SH2D7: variants seen among roughly 807,000 people sequenced by gnomAD.
SH2D7 encodes the protein SH2 domain-containing protein 7.
In SH2D7, 32 loss-of-function variants were observed where a neutral mutation model predicts 40.8. The ratio of observed to expected loss-of-function variants is 0.78; its 90% confidence interval spans 0.59 to 1.05. The LOEUF is 1.05. SH2D7 is among the 50% of genes least tolerant of loss of function. SH2D7 has a pLI of 0.00. For missense variants in SH2D7, 559 were observed against 566.6 expected (o/e 0.99, Z 0.14); for synonymous variants, 195 against 221.5 (o/e 0.88, Z 1.06).
chr15:78,099,382 G>A (rs980488891), intron 4 of SH2D7, among the ~76,000 whole-genome samples: 4 of 151,670 alleles, frequency 2.6e-5, no homozygotes, highest in East Asian at 3.9e-4. Context: ...GCACCATCTC[G>A]GCTCACTGCA....
intron 4 of SH2D7, among the ~76,000 whole-genome samples, chr15:78,100,079 C>T (rs551479179): frequency 2.6e-5 from 4 of 152,326 alleles, no homozygotes; most frequent in African/African-American, 9.6e-5. Flanking sequence ...ATTCACCCAT[C>T]ATATAGCACA....
At chr15:78,094,269 G>A (rs182472534) in intron 2 of SH2D7, 68 bp downstream of exon 2, 1 of 1,498,480 alleles carries the variant, frequency 6.7e-7, no homozygotes, top group Non-Finnish European at 9.1e-7. Flanking sequence ...GATTAGTGCA[G>A]AGGCCCCACT....
rs781560546 is a variant in SH2D7, at chr15:78,094,199, C to G, written c.264C>G (p.Tyr88Ter). ...SDRATGYILS[Y>*]RGSDRCRHFV... is the part of the protein sequence containing the mutation. ...GAGCCACTGGCTACATCTTGTCCTA[C>G]AGGTAAGAGGGGAAGCCCTCTGGGC... Residue 88 changes from tyrosine to a stop codon, truncating the protein, a stop_gained and splice_region_variant, in exon 2 of 6, where the codon TAC becomes TAG. Transcript: ENST00000328828. LOFTEE classifies it high-confidence loss of function. The G allele has an allele frequency of 1.9e-6, 3 of 1,607,128 alleles. No homozygotes were observed. The South Asian group carries it at 3.4e-5, about 18-fold the overall frequency.
rs549102760 is a variant in SH2D7, at chr15:78,100,755, G to A, written c.646-144G>A. The A allele has an allele frequency of 1.3e-5, 11 of 829,268 alleles. 1 individual carries two copies. In the South Asian group the frequency reaches 1.6e-4, roughly 12 times the overall value. The allele number at this position is 829,268 out of a possible 1,614,324, so 51.4% of individuals were successfully genotyped here. ...GCATGAGCGCTGGAAGGGACCCTGA[G>A]TGTCATGTATCCAACCCTTGCATGT... On this transcript the variant is annotated intron_variant, in intron 4 of 5. Transcript: ENST00000328828.
chr15:78,101,652 G>T, intron 5 of SH2D7, 94 bp downstream of exon 5: 1 of 1,382,958 alleles, frequency 7.2e-7, no homozygotes, highest in Non-Finnish European at 9.6e-7. Context: ...GGCAGGTCAG[G>T]TCACCGCCAC....
chr15:78,094,019 A>G (rs2073955166), intron 1 of SH2D7, 93 bp from the exon 2 acceptor site: 3 of 1,269,974 alleles, frequency 2.4e-6, no homozygotes, highest in South Asian at 2.8e-5. Flanking sequence ...ACCCAAAGGC[A>G]TGGCCAGCAG....
At position 78,098,051 on chromosome 15, in the gene SH2D7, A is replaced by G. The variant is rs200508337; in HGVS notation, c.389A>G (p.Gln130Arg). ...CTTGTGCACCATTACCAGGAGGCAC[A>G]GCTCGAGCCCTTCAAAGAGATGCTG... The part of the protein sequence containing the change: ...AELVHHYQEA[Q>R]LEPFKEMLTA... The change falls in exon 3 of 6, where the codon CAG becomes CGG. Residue 130 changes from glutamine to arginine, a missense_variant. Physicochemically the swap from Gln to Arg is conservative, Grantham distance 43. Coordinates refer to ENST00000328828, the MANE Select transcript of SH2D7 (RefSeq NM_001101404.2). The G allele has an allele frequency of 6.5e-5, 105 of 1,613,820 alleles. No individual in the cohort carries two copies. In the African/African-American group the frequency reaches 1.2e-3, roughly 19 times the overall value.
At chr15:78,092,984 T>G (rs1477779917) in intron 1 of SH2D7, among the ~76,000 whole-genome samples, 1 of 152,066 alleles carries the variant, frequency 6.6e-6, no homozygotes, top group Non-Finnish European at 1.5e-5. Context: ...TTAGTACAAG[T>G]TGAGGATGGC....
At chr15:78,094,039 G>T in intron 1 of SH2D7, 73 bp from the exon 2 acceptor site, 1 of 1,446,906 alleles carries the variant, frequency 6.9e-7, no homozygotes, top group South Asian at 1.3e-5. Flanking sequence ...GGGATTCCAA[G>T]AGAGGCCTAA....
chr15:78,094,253 C>T lies in SH2D7; in HGVS notation c.266+52C>T, dbSNP rs2073957066. 1.2e-5 allele frequency: 18 copies of T among 1,555,086 alleles called. No individual in the cohort carries two copies. The South Asian group carries it at 1.3e-4, about 11-fold the overall frequency. ...CAAGCTCATCCTACCATAACCTAGC[C>T]TTGCAGATTAGTGCAGAGGCCCCAC... On this transcript the variant is annotated intron_variant, in intron 2 of 5. Coordinates refer to ENST00000328828, the MANE Select transcript of SH2D7 (RefSeq NM_001101404.2).
chr15:78,090,685 C>A (rs2141867079), upstream of SH2D7, among the ~76,000 whole-genome samples: 1 of 152,026 alleles, frequency 6.6e-6, no homozygotes, highest in East Asian at 1.9e-4. Flanking sequence ...TAATCCTAGT[C>A]ACTATGTTAT....
At chr15:78,090,624 C>CATCA (rs1209737837), upstream of SH2D7, among the ~76,000 whole-genome samples, 1 of 23,378 alleles carries the variant, frequency 4.3e-5, no homozygotes, top group Non-Finnish European at 7.7e-5. Flanking sequence ...CTTGCATCAC[C>CATCA]ATCATCATCA....
chr15:78,097,873 C>T (rs1253615740), intron 2 of SH2D7, 56 bp from the exon 3 acceptor site: 2 of 1,587,988 alleles, frequency 1.3e-6, no homozygotes, highest in Non-Finnish European at 1.7e-6. Flanking sequence ...AGACCCTGGG[C>T]CAAGGCTGGG....
chr15:78,092,641 C>T lies in SH2D7; in HGVS notation c.57C>T (p.Asp19=). ...GGAGAGATCCTGAGGGGGCAGGGGA[C>T]AGCCAGGCCCTGGCTGAGCTCCAGG... is the stretch of plus-strand genomic sequence containing the variant. ...SLGRDPEGAG[D]SQALAELQEL... Residue 19 remains aspartate (D), a synonymous_variant, in exon 1 of 6, where the codon GAC becomes GAT. Coordinates refer to ENST00000328828, the MANE Select transcript of SH2D7 (RefSeq NM_001101404.2). 6.4e-7 allele frequency: 1 copy of T among 1,561,230 alleles called. No individual in the cohort carries two copies. The highest frequency in any genetic ancestry group is 1.4e-5 in the African/African-American group (1 of 73,522).
chr15:78,091,423 T>C (rs2073939996), upstream of SH2D7: 1 of 152,144 alleles, frequency 6.6e-6, no homozygotes, highest in Non-Finnish European at 1.5e-5. Context: ...GATGAGGAAA[T>C]TGAGTTCTCT....
chr15:78,092,531 A>T, upstream of SH2D7: 5 of 1,508,856 alleles, frequency 3.3e-6, no homozygotes, highest in South Asian at 4.9e-5. Flanking sequence ...GCACACGCAG[A>T]TATAGAGGCA....
chr15:78,094,480 T>C (rs967165279), intron 2 of SH2D7, among the ~76,000 whole-genome samples: 4 of 152,168 alleles, frequency 2.6e-5, no homozygotes, highest in African/African-American at 9.7e-5. Flanking sequence ...TACAAGTTGC[T>C]AGGCAGAAAG....
At chr15:78,098,735 C>A (rs72732564) in intron 4 of SH2D7, 139 bp downstream of exon 4, 217,233 of 994,430 alleles carry the variant, frequency 0.22, 25,468 homozygotes, top group Non-Finnish European at 0.23. Flanking sequence ...GGTGCGGACC[C>A]AGCTTGGAAT....
intron 2 of SH2D7, among the ~76,000 whole-genome samples, chr15:78,096,860 C>A (rs944870709): frequency 6.6e-6 from 1 of 152,062 alleles, no homozygotes; most frequent in Non-Finnish European, 1.5e-5. Context: ...CACGGGTGTA[C>A]CCTTGACCCA....
Sources: gnomAD v4.1 joint callset for allele counts (sites outside exome capture counted in the v4.1 genomes callset) on GRCh38, gnomAD v4.1.1 for gene constraint, MANE v1.5 for transcripts, NCBI Gene and HGNC (gene_info 2026-07-23, HGNC 2026-07-21) for gene names.